ZNF618: variants seen among roughly 807,000 people sequenced by gnomAD.
ZNF618 encodes neural precursor cell expressed, developmentally down-regulated 10.
In ZNF618, 34 loss-of-function variants were observed where a neutral mutation model predicts 103.0. The ratio of observed to expected loss-of-function variants is 0.33; its 90% CI spans 0.25 to 0.44. The LOEUF (loss-of-function observed/expected upper bound fraction) is 0.44, where lower values mean the gene tolerates loss of function less well. Among genes scored for constraint, ZNF618 ranks in the 20% least tolerant of loss-of-function variants. ZNF618 has a pLI of 1.00. For synonymous variants in ZNF618, 551 were observed against 542.2 expected (o/e 1.02, Z -0.23); for missense variants, 1,059 against 1,295.4 (o/e 0.82, Z 2.80).
rs568631964 is a variant in ZNF618, at chr9:113,890,892, T to C, written c.33+14479T>C. Among the ~76,000 whole-genome samples, 85 of 152,386 alleles carry C rather than the reference T, an allele frequency of 5.6e-4. No homozygotes were observed. In the South Asian group the frequency reaches 0.011, roughly 20 times the overall value. On this transcript the variant is annotated intron_variant, in intron 1 of 14. Coordinates refer to ENST00000374126, the MANE Select transcript of ZNF618 (RefSeq NM_001318042.2). ...TGCATTATATTTTGGTTGATATGTT[T>C]TACTTGCATTTCTTTTATGAATTGC... is the stretch of plus-strand genomic sequence containing the variant.
Position 113,969,107 on chromosome 9 carries a change from T to C in ZNF618, c.34-10T>C, listed in dbSNP as rs760861645. 6.2e-7 allele frequency: 1 copy of C among 1,613,992 alleles called. No individual in the cohort carries two copies. The highest frequency in any genetic ancestry group is 1.1e-5 in the South Asian group (1 of 91,070). ...TTGGCTGATGTAGGTGTTTTGGGTT[T>C]CTTTTGCAGGCTGACGGAGCCAGTG... On this transcript the variant is annotated splice_polypyrimidine_tract_variant and intron_variant, in intron 1 of 14. Coordinates refer to ENST00000374126, the MANE Select transcript of ZNF618 (RefSeq NM_001318042.2).
At chr9:114,027,444 C>T (rs1369384995) in intron 10 of ZNF618, among the ~76,000 whole-genome samples, 1 of 152,234 alleles carries the variant, frequency 6.6e-6, no homozygotes, top group Non-Finnish European at 1.5e-5. Flanking sequence ...GTGGGTGACC[C>T]TCCACGGGGG....
rs60880495 is a variant in ZNF618 at position 114,024,423 on chromosome 9, A to C, written c.845-4310A>C. On this transcript the variant is annotated intron_variant, in intron 10 of 14. Coordinates refer to ENST00000374126, the MANE Select transcript of ZNF618 (RefSeq NM_001318042.2). ...AAAATAATTGTTTCTTCCGTGCTGCATCCTGGGAATGCTGTGTTGTTGACT... is the reference window on the plus strand; with the variant it reads ...AAAATAATTGTTTCTTCCGTGCTGCCTCCTGGGAATGCTGTGTTGTTGACT... Among the ~76,000 whole-genome samples the C allele has an allele frequency of 8.6e-3, 1,306 of 152,260 alleles. 13 individuals are homozygous for C. The highest frequency in any genetic ancestry group is 0.03 in the African/African-American group (1,260 of 41,542).
intron 9 of ZNF618, among the ~76,000 whole-genome samples, chr9:114,010,449 G>A (rs1383731825): frequency 6.6e-6 from 1 of 152,188 alleles, no homozygotes; most frequent in South Asian, 2.1e-4. Flanking sequence ...GCTCTCGCCT[G>A]TAATCCTAGC....
chr9:113,994,083 C>T (rs1472590819), intron 3 of ZNF618, among the ~76,000 whole-genome samples: 1 of 152,150 alleles, frequency 6.6e-6, no homozygotes, highest in Non-Finnish European at 1.5e-5. Flanking sequence ...TGTTTCTAGG[C>T]AGCAAGCTTT....
intron 10 of ZNF618, among the ~76,000 whole-genome samples, chr9:114,020,026 G>A (rs1014129318): frequency 2.6e-5 from 4 of 152,166 alleles, no homozygotes; most frequent in African/African-American, 9.7e-5. Flanking sequence ...TTCAAATGAT[G>A]TGAGGTATGA....
intron 1 of ZNF618, among the ~76,000 whole-genome samples, chr9:113,911,713 C>G (rs1329415729): frequency 6.6e-6 from 1 of 152,074 alleles, no homozygotes; most frequent in African/African-American, 2.4e-5. Context: ...TATAAGATTC[C>G]TGTTTCCCAG....
chr9:113,993,393 A>G (rs1484168227), intron 3 of ZNF618, among the ~76,000 whole-genome samples: 2 of 152,230 alleles, frequency 1.3e-5, no homozygotes, highest in East Asian at 3.8e-4. Context: ...GTCAGCTAGA[A>G]TTGAAAAATT....
chr9:113,978,441 A>C (rs1232277760), intron 2 of ZNF618, among the ~76,000 whole-genome samples: 1 of 152,212 alleles, frequency 6.6e-6, no homozygotes, highest in Non-Finnish European at 1.5e-5. Flanking sequence ...GCAGGTGGCA[A>C]GCGCAGAGCC....
intron 2 of ZNF618, among the ~76,000 whole-genome samples, chr9:113,980,785 A>AG (rs1481498290): frequency 6.6e-6 from 1 of 152,192 alleles, no homozygotes; most frequent in Non-Finnish European, 1.5e-5. Context: ...AGCTGGATGG[A>AG]GGAGAGGCAG....
At chr9:113,991,959 G>A (rs770267300) in intron 3 of ZNF618, among the ~76,000 whole-genome samples, 6 of 152,184 alleles carry the variant, frequency 3.9e-5, no homozygotes, top group Non-Finnish European at 7.3e-5. Context: ...CTGGAAGTCA[G>A]GCTTTTCTGC....
chr9:114,000,511 T>TTGTTAG (rs1564279493), intron 4 of ZNF618, among the ~76,000 whole-genome samples: 2 of 84,796 alleles, frequency 2.4e-5, no homozygotes, highest in Non-Finnish European at 6.5e-5. Context: ...TCATTAGCCA[T>TTGTTAG]CGTTAGTGTA....
intron 13 of ZNF618, among the ~76,000 whole-genome samples, chr9:114,038,410 C>A (rs1443191323): frequency 2.6e-5 from 4 of 152,206 alleles, no homozygotes; most frequent in African/African-American, 9.6e-5. Flanking sequence ...TCAGCGCAGC[C>A]AGAGAATGCC....
chr9:113,955,920 G>A (rs1186001886), intron 1 of ZNF618, among the ~76,000 whole-genome samples: 2 of 152,100 alleles, frequency 1.3e-5, no homozygotes, highest in African/African-American at 4.8e-5. Flanking sequence ...TTGGGGGTCA[G>A]GAGGCCTCAG....
At chr9:113,996,896 A>T (rs1588279658) in intron 3 of ZNF618, among the ~76,000 whole-genome samples, 1 of 152,182 alleles carries the variant, frequency 6.6e-6, no homozygotes, top group Non-Finnish European at 1.5e-5. Flanking sequence ...TGGCAGTAGC[A>T]TGGCTCTGGA....
chr9:113,880,800 G>A (rs964946837), intron 1 of ZNF618, among the ~76,000 whole-genome samples: 20 of 152,202 alleles, frequency 1.3e-4, no homozygotes, highest in African/African-American at 4.1e-4. Context: ...TGTGGGTCAC[G>A]GCCAAAAGAG....
chr9:114,000,487 A>AT (rs11458966), intron 4 of ZNF618, among the ~76,000 whole-genome samples: 1,558 of 150,194 alleles, frequency 0.01, 25 homozygotes, highest in African/African-American at 0.033. Context: ...TCTTTTTGTG[A>AT]TTTTTTTTTT....
intron 1 of ZNF618, among the ~76,000 whole-genome samples, chr9:113,918,186 T>C (rs1173052562): frequency 1.3e-5 from 2 of 152,180 alleles, no homozygotes; most frequent in African/African-American, 4.8e-5. Flanking sequence ...AGGGTATGCA[T>C]TTCCGGCAAG....
In ZNF618 at chr9:114,026,755, C is replaced by A. The variant is rs966989739; in HGVS notation, c.845-1978C>A. 1.4e-4 allele frequency among the ~76,000 whole-genome samples: 21 copies of A among 152,142 alleles called. 1 individual carries two copies. ...GAAAAATACCAGTAATAGATACTTA[C>A]ATTTGAAGAGCAGTTTATCATTCAG... On this transcript the variant is annotated intron_variant, in intron 10 of 14. Transcript: ENST00000374126.
Sources: gnomAD v4.1 joint callset for allele counts (sites outside exome capture counted in the v4.1 genomes callset) on GRCh38, gnomAD v4.1.1 for gene constraint, MANE v1.5 for transcripts, NCBI Gene and HGNC (gene_info 2026-07-23, HGNC 2026-07-21) for gene names.